Variants in PDE10A observed in about 807,000 individuals in gnomAD.
PDE10A encodes the protein cAMP and cAMP-inhibited cGMP 3',5'-cyclic phosphodiesterase 10A.
A neutral mutation model predicts 97.7 loss-of-function variants in PDE10A; 39 were observed. The observed-to-expected ratio is 0.40, with a 90% CI of 0.31 to 0.52. The LOEUF (loss-of-function observed/expected upper bound fraction) is 0.52, where lower values mean the gene tolerates loss of function less well. Among genes scored for constraint, PDE10A ranks in the 20% least tolerant of loss-of-function variants. The pLI is 0.56. For synonymous variants in PDE10A, 371 were observed against 376.8 expected (o/e 0.98, Z 0.18); for missense variants, 731 against 1,047.8 (o/e 0.70, Z 4.17).
At chr6:165,577,590 G>T (rs139423809) in intron 1 of PDE10A, among the ~76,000 whole-genome samples, 5 of 152,144 alleles carry the variant, frequency 3.3e-5, no homozygotes, top group Non-Finnish European at 5.9e-5. Flanking sequence ...CATGGTTCTG[G>T]AGTCCACCTG....
intron 1 of PDE10A, among the ~76,000 whole-genome samples, chr6:165,925,530 T>C (rs975864189): frequency 3.3e-5 from 5 of 152,264 alleles, no homozygotes; most frequent in African/African-American, 1.2e-4. Flanking sequence ...CAAACTGGTA[T>C]GTCCACACCA....
chr6:165,958,736 A>AAAG (rs1784262559), intron 1 of PDE10A, among the ~76,000 whole-genome samples: 1 of 13,756 alleles, frequency 7.3e-5, no homozygotes, highest in Non-Finnish European at 1.3e-4. Flanking sequence ...AGAAAGAAAG[A>AAAG]AAGAAAGAAA....
chr6:165,930,232 T>C (rs183086312), intron 1 of PDE10A, among the ~76,000 whole-genome samples: 1 of 152,328 alleles, frequency 6.6e-6, no homozygotes, highest in East Asian at 1.9e-4. Flanking sequence ...CTTCTCCATG[T>C]TCACCAGGAA....
intron 18 of PDE10A, among the ~76,000 whole-genome samples, chr6:165,346,345 C>G (rs1464363898): frequency 6.6e-6 from 1 of 152,060 alleles, no homozygotes; most frequent in African/African-American, 2.4e-5. Flanking sequence ...AGAGGTAGAG[C>G]CAAATGCAAA....
chr6:165,512,313 T>C (rs1226445348), intron 2 of PDE10A, among the ~76,000 whole-genome samples: 5 of 151,950 alleles, frequency 3.3e-5, no homozygotes, highest in Non-Finnish European at 5.9e-5. Flanking sequence ...CCCTCAGCTT[T>C]TGCTTGTCTT....
Position 165,698,330 on chromosome 6 carries a change from T to C in PDE10A, c.-614-154762A>G, listed in dbSNP as rs148222309. Among the ~76,000 whole-genome samples, 415 of 152,220 alleles carry C rather than the reference T, an allele frequency of 2.7e-3. 3 individuals are homozygous for C. Among genetic ancestry groups the C allele is most frequent in the African/African-American group, 9.5e-3 (396 of 41,532 alleles). ...AAGCCTTACATTCTAATCCTTTTTCTAGTTATAAAATATGAAAACTGGAAT... is the reference window on the plus strand; with the variant it reads ...AAGCCTTACATTCTAATCCTTTTTCCAGTTATAAAATATGAAAACTGGAAT... On this transcript the variant is annotated intron_variant, in intron 1 of 19. Transcript: ENST00000366882.
chr6:165,803,318 A>G (rs149683142), intron 1 of PDE10A, among the ~76,000 whole-genome samples: 2 of 152,232 alleles, frequency 1.3e-5, no homozygotes, highest in African/African-American at 2.4e-5. Context: ...CAACTTGTTC[A>G]TCTGTGTCGA....
chr6:165,544,693 A>T (rs1783645622), intron 1 of PDE10A, among the ~76,000 whole-genome samples: 1 of 152,118 alleles, frequency 6.6e-6, no homozygotes, highest in South Asian at 2.1e-4. Context: ...AAAGCAGAGA[A>T]TTCATATGTG....
At chr6:165,468,573 G>A (rs1016392075) in intron 3 of PDE10A, among the ~76,000 whole-genome samples, 24 of 152,184 alleles carry the variant, frequency 1.6e-4, no homozygotes, top group Non-Finnish European at 2.9e-4. Context: ...ATACCTTCTA[G>A]GTATGATTAT....
rs1423430633 is a variant in PDE10A at position 165,661,640 on chromosome 6, A to T, written c.865+307T>A. The T allele has an allele frequency of 1.1e-5, 4 of 372,470 alleles. No individual in the cohort carries two copies. Among genetic ancestry groups the T allele is most frequent in the Non-Finnish European group, 1.9e-5 (4 of 209,674 alleles). 23.1% of individuals were successfully genotyped at this position (372,470 alleles called of 1,614,324 possible). ...GACAAGTGTGGCCAGAAACGGCACG[A>T]GGGGCGGAGAAGGAGGCGGCAGGTC... On this transcript the variant is annotated intron_variant, in intron 1 of 21. Transcript: ENST00000539869. This position sits in a 1 kb window ranked among gnomAD's most constrained non-coding sequence, Gnocchi z 4.8.
chr6:165,712,581 A>G (rs1378059420), intron 1 of PDE10A, among the ~76,000 whole-genome samples: 1 of 151,418 alleles, frequency 6.6e-6, no homozygotes, highest in African/African-American at 2.4e-5. Context: ...ATTTGTTACA[A>G]TAAACATGAA....
At chr6:165,959,683 C>T (rs1206299261) in intron 1 of PDE10A, among the ~76,000 whole-genome samples, 1 of 152,144 alleles carries the variant, frequency 6.6e-6, no homozygotes, top group Non-Finnish European at 1.5e-5. Context: ...AAGACTTGAG[C>T]CTGACCCCCA....
chr6:165,881,498 T>A (rs1453033456), intron 1 of PDE10A, among the ~76,000 whole-genome samples: 1 of 149,832 alleles, frequency 6.7e-6, no homozygotes, highest in Non-Finnish European at 1.5e-5. Flanking sequence ...TGGGTTCAGG[T>A]GATTCTCCTG....
chr6:165,775,218 C>A (rs1300926629), intron 1 of PDE10A: 1 of 152,152 alleles, frequency 6.6e-6, no homozygotes, highest in Admixed American at 6.5e-5. Flanking sequence ...AAATGCAAAC[C>A]TCTGGAAAAC....
intron 1 of PDE10A, among the ~76,000 whole-genome samples, chr6:165,802,577 T>C (rs1247113136): frequency 6.6e-6 from 1 of 152,216 alleles, no homozygotes; most frequent in African/African-American, 2.4e-5. Context: ...CTGAAGCTTA[T>C]GCAACCACGG....
chr6:165,861,660 C>T (rs540985846), intron 1 of PDE10A, among the ~76,000 whole-genome samples: 7 of 151,844 alleles, frequency 4.6e-5, no homozygotes, highest in Admixed American at 6.6e-5. Context: ...GAGCAGAGAC[C>T]GAAAGACCAG....
At chr6:165,505,472 A>T (rs1781137401) in intron 2 of PDE10A, among the ~76,000 whole-genome samples, 2 of 152,212 alleles carry the variant, frequency 1.3e-5, no homozygotes, top group African/African-American at 4.8e-5. Context: ...ACTTTCAAAT[A>T]AAATGATGAT....
At chr6:165,875,257 T>C (rs946412990) in intron 1 of PDE10A, among the ~76,000 whole-genome samples, 1 of 152,162 alleles carries the variant, frequency 6.6e-6, no homozygotes, top group African/African-American at 2.4e-5. Flanking sequence ...CTGTCTGTCA[T>C]TGTTGGCAAA....
intron 16 of PDE10A, 93 bp downstream of exon 16, chr6:165,392,553 C>T: frequency 8.0e-7 from 1 of 1,252,704 alleles, no homozygotes; most frequent in Non-Finnish European, 1.1e-6. Flanking sequence ...CTTGGAATAA[C>T]ATGTCACAAA....
Sources: allele counts gnomAD v4.1 joint callset (sites outside exome capture counted in the v4.1 genomes callset), GRCh38; gene constraint gnomAD v4.1.1; non-coding constraint Gnocchi (gnomAD v3.1); transcripts MANE v1.5; gene names NCBI Gene and HGNC (gene_info 2026-07-23, HGNC 2026-07-21).